CACNG3: variants seen among roughly 807,000 people sequenced by gnomAD.
The protein encoded by CACNG3 is voltage-dependent calcium channel gamma-3 subunit.
In CACNG3, 3 loss-of-function variants were observed where a neutral mutation model predicts 28.5. That is an observed-to-expected ratio of 0.11 (90% CI 0.05 to 0.27). CACNG3 has a LOEUF of 0.27. Ranked by LOEUF, CACNG3 falls within the 10% of genes least tolerant of loss-of-function variation. The pLI is 1.00. For synonymous variants in CACNG3, 174 were observed against 162.2 expected (o/e 1.07, Z -0.55); for missense variants, 236 against 414.4 (o/e 0.57, Z 3.74).
At chr16:24,291,040 G>A (rs1898959068) in intron 1 of CACNG3, among the ~76,000 whole-genome samples, 1 of 152,152 alleles carries the variant, frequency 6.6e-6, no homozygotes, top group Non-Finnish European at 1.5e-5. Context: ...CCACTTACTA[G>A]CCAGGTGACC....
intron 1 of CACNG3, among the ~76,000 whole-genome samples, chr16:24,332,465 A>AG (rs5816248): frequency 1.1e-4 from 1 of 8,932 alleles, no homozygotes; most frequent in African/African-American, 3.7e-4. Context: ...ACCCTGTCTC[A>AG]AAAAAAAAAA....
chr16:24,344,141 C>A (rs1305907364), intron 1 of CACNG3, among the ~76,000 whole-genome samples: 1 of 151,782 alleles, frequency 6.6e-6, no homozygotes, highest in Non-Finnish European at 1.5e-5. Context: ...GGATAAAACA[C>A]GTAAATGTGG....
intron 1 of CACNG3, among the ~76,000 whole-genome samples, chr16:24,339,422 C>T (rs1899753613): frequency 1.3e-5 from 2 of 149,396 alleles, no homozygotes; most frequent in African/African-American, 4.9e-5. Context: ...GTCTTGCTGT[C>T]TCACTCAAGC....
intron 1 of CACNG3, among the ~76,000 whole-genome samples, chr16:24,277,150 G>T (rs1055930758): frequency 1.3e-5 from 2 of 152,104 alleles, no homozygotes; most frequent in African/African-American, 4.8e-5. Context: ...TCCTTTTTCT[G>T]GTCAAAGGAG....
intron 1 of CACNG3, among the ~76,000 whole-genome samples, chr16:24,315,937 G>C (rs1347161142): frequency 1.3e-5 from 2 of 152,180 alleles, no homozygotes; most frequent in Admixed American, 1.3e-4. Flanking sequence ...GGAGTTACAG[G>C]TGTGAGCCAC....
intron 1 of CACNG3, among the ~76,000 whole-genome samples, chr16:24,266,205 T>A (rs563314046): frequency 1.3e-5 from 2 of 151,924 alleles, no homozygotes; most frequent in South Asian, 4.2e-4. Flanking sequence ...CTACTGACAA[T>A]AAAAAGAAAG....
intron 1 of CACNG3, among the ~76,000 whole-genome samples, chr16:24,300,363 G>A (rs8055687): frequency 0.24 from 36,090 of 151,944 alleles, 4,638 homozygotes; most frequent in Non-Finnish European, 0.27. Context: ...GAAGGGGCGG[G>A]GTGAGGACTC....
intron 1 of CACNG3, among the ~76,000 whole-genome samples, chr16:24,259,124 G>T (rs1567428077): frequency 6.6e-6 from 1 of 152,204 alleles, no homozygotes; most frequent in Non-Finnish European, 1.5e-5. Flanking sequence ...GAATTCTATT[G>T]AGAAAATGTG....
chr16:24,310,835 C>T (rs1217437981), intron 1 of CACNG3, among the ~76,000 whole-genome samples: 1 of 152,124 alleles, frequency 6.6e-6, no homozygotes, highest in Admixed American at 6.6e-5. Context: ...CTGTATTCTC[C>T]CCACAGAGGA....
rs751583718 is a variant in CACNG3 at position 24,361,734 on chromosome 16, G to T, written c.819G>T (p.Lys273Asn). ...TCACCCTCTCCCGGGACCCCTCAAA[G>T]ATCACCATGGGGACCCTCCTCAACT... is the stretch of plus-strand genomic sequence containing the variant. ...SMFTLSRDPS[K>N]ITMGTLLNSD... Residue 273 changes from lysine (K) to asparagine (N), a missense_variant, in exon 4 of 4, where the codon AAG (lysine) becomes AAT (asparagine). This residue lies in a region of CACNG3 where 116 missense variants were observed against 151.0 expected (regional missense o/e 0.77). Transcript: ENST00000005284. This position sits in a 1 kb window ranked among gnomAD's most constrained non-coding sequence, Gnocchi z 6.8. 1.2e-6 allele frequency: 2 copies of T among 1,613,700 alleles called. No individual in the cohort carries two copies. The highest frequency in any genetic ancestry group is 1.1e-5 in the South Asian group (1 of 91,038).
At chr16:24,344,200 G>C (rs995028677) in intron 1 of CACNG3, among the ~76,000 whole-genome samples, 1 of 152,216 alleles carries the variant, frequency 6.6e-6, no homozygotes, top group Non-Finnish European at 1.5e-5. Flanking sequence ...GGGAGGCTGA[G>C]GCGGGTGGTT....
intron 1 of CACNG3, among the ~76,000 whole-genome samples, chr16:24,276,659 G>C (rs1567208611): frequency 6.6e-6 from 1 of 152,198 alleles, no homozygotes; most frequent in Non-Finnish European, 1.5e-5. Context: ...CCATCACTGG[G>C]ATGGAAGAGG....
At chr16:24,313,472 T>G (rs1460249062) in intron 1 of CACNG3, among the ~76,000 whole-genome samples, 1 of 152,182 alleles carries the variant, frequency 6.6e-6, no homozygotes, top group East Asian at 1.9e-4. Flanking sequence ...TTTTGATTTT[T>G]TTATTTTTTA....
At position 24,361,796 on chromosome 16, in the gene CACNG3, C is replaced by G; in HGVS notation, c.881C>G (p.Ser294Cys). 1.2e-6 allele frequency: 2 copies of G among 1,613,984 alleles called. No individual in the cohort carries two copies. Among genetic ancestry groups the G allele is most frequent in the Non-Finnish European group, 1.7e-6 (2 of 1,179,980 alleles). Residue 294 changes from serine (S) to cysteine (C), a missense_variant, in exon 4 of 4, where the codon TCC (serine) becomes TGC (cysteine). Around this residue, in one of 2 missense-constraint regions of CACNG3, gnomAD observed 116 missense variants for 151.0 expected, o/e 0.77. Transcript: ENST00000005284. The surrounding 1 kb of genome is among the most constrained non-coding windows in gnomAD (Gnocchi z 6.8). ...CACGCTTTTCTACAGTTCCACAATTCCACACCCAAAGAGTTCAAAGAGTCA... is the reference window on the plus strand; with the variant it reads ...CACGCTTTTCTACAGTTCCACAATTGCACACCCAAAGAGTTCAAAGAGTCA... ...RDHAFLQFHN[S>C]TPKEFKESLH...
chr16:24,287,536 GAAGAAA>G (rs1808023388), intron 1 of CACNG3, among the ~76,000 whole-genome samples: 1 of 147,210 alleles, frequency 6.8e-6, no homozygotes, highest in African/African-American at 2.5e-5. Context: ...AAAAAAAAAG[GAAGAAA>G]AAGAAAAAAA....
intron 1 of CACNG3, among the ~76,000 whole-genome samples, chr16:24,271,779 C>T (rs912578487): frequency 6.6e-6 from 1 of 151,660 alleles, no homozygotes; most frequent in African/African-American, 2.4e-5. Flanking sequence ...GGGCATGGGG[C>T]TCCTGTATGT....
At chr16:24,271,554 A>C (rs1898690620) in intron 1 of CACNG3, among the ~76,000 whole-genome samples, 1 of 152,240 alleles carries the variant, frequency 6.6e-6, no homozygotes, top group Admixed American at 6.5e-5. Flanking sequence ...CTCAGCCTGG[A>C]GATCCAACAA....
In CACNG3 at chr16:24,353,091, T is replaced by G. The variant is rs1899978826; in HGVS notation, c.296-1742T>G. Among the ~76,000 whole-genome samples, 3 of 152,240 alleles carry G rather than the reference T, an allele frequency of 2.0e-5. No homozygotes were observed. The South Asian group carries it at 6.2e-4, about 31-fold the overall frequency. The stretch of plus-strand genomic sequence containing the variant: ...CCTGAGTTCAAGCAATTCTCCTCCC[T>G]CAGCCTCTCAAGTAGCTGAGATTAC... On this transcript the variant is annotated intron_variant, in intron 2 of 3. Transcript: ENST00000005284.
chr16:24,347,810 C>T (rs572075133), intron 2 of CACNG3, among the ~76,000 whole-genome samples: 26 of 152,330 alleles, frequency 1.7e-4, no homozygotes, highest in African/African-American at 5.8e-4. Flanking sequence ...TTGTTTGACT[C>T]TACTAGCTGG....
Sources: allele counts gnomAD v4.1 joint callset (sites outside exome capture counted in the v4.1 genomes callset), GRCh38; gene constraint gnomAD v4.1.1; regional missense constraint gnomAD v4.1.1; non-coding constraint Gnocchi (gnomAD v3.1); transcripts MANE v1.5; gene names NCBI Gene and HGNC (gene_info 2026-07-23, HGNC 2026-07-21).